Variants in TAFA4 observed in about 807,000 individuals in gnomAD.
TAFA4 encodes the protein chemokine-like protein TAFA-4.
In TAFA4, 20 loss-of-function variants were observed where a neutral mutation model predicts 21.1. The observed-to-expected ratio is 0.95, with a 90% confidence interval of 0.67 to 1.38. TAFA4 has a LOEUF of 1.38. Among genes scored for constraint, TAFA4 ranks in the 40% most tolerant of loss-of-function variants. The pLI is 0.00. For missense variants in TAFA4, 211 were observed against 180.9 expected, an observed-to-expected ratio of 1.17 and a Z score of -0.95; for synonymous variants, 71 against 67.4, an observed-to-expected ratio of 1.05 and a Z score of -0.26.
intron 3 of TAFA4, among the ~76,000 whole-genome samples, chr3:68,768,113 A>G (rs1702890127): frequency 6.6e-6 from 1 of 152,170 alleles, no homozygotes; most frequent in South Asian, 2.1e-4. Flanking sequence ...AAATAGATAA[A>G]TAGGATTACA....
intron 3 of TAFA4, among the ~76,000 whole-genome samples, chr3:68,834,485 A>C (rs946043431): frequency 6.6e-6 from 1 of 152,218 alleles, no homozygotes; most frequent in African/African-American, 2.4e-5. Flanking sequence ...AACAGCTATT[A>C]CTATCATCAT....
chr3:68,788,589 T>C (rs1195412212), intron 3 of TAFA4, among the ~76,000 whole-genome samples: 2 of 152,116 alleles, frequency 1.3e-5, no homozygotes, highest in Non-Finnish European at 2.9e-5. Context: ...CTCTAGGAGT[T>C]TTATAGTTTT....
intron 3 of TAFA4, among the ~76,000 whole-genome samples, chr3:68,761,520 T>G (rs1702755397): frequency 6.6e-6 from 1 of 152,126 alleles, no homozygotes; most frequent in African/African-American, 2.4e-5. Context: ...AATGCCCTTG[T>G]GACTAGAGCT....
chr3:68,755,146 T>C lies in TAFA4; in HGVS notation c.131-2128A>G, dbSNP rs1282876993. 3.3e-5 allele frequency among the ~76,000 whole-genome samples: 5 copies of C among 152,282 alleles called. No individual in the cohort carries two copies. In the East Asian group the frequency reaches 5.8e-4, roughly 18 times the overall value. On this transcript the variant is annotated intron_variant, in intron 3 of 5. Transcript: ENST00000295569. ...ATCTAGCACCACAGTTTCTTGCTAC[T>C]CTCCCAACAACTCTCTATTTATATC...
At chr3:68,881,606 T>C (rs1487683034) in intron 2 of TAFA4, among the ~76,000 whole-genome samples, 1 of 152,242 alleles carries the variant, frequency 6.6e-6, no homozygotes, top group Non-Finnish European at 1.5e-5. Context: ...GCTTTTTTTA[T>C]ATTAACTTTT....
chr3:68,905,204 G>C (rs1389800402), intron 1 of TAFA4, among the ~76,000 whole-genome samples: 4 of 143,908 alleles, frequency 2.8e-5, no homozygotes, highest in African/African-American at 5.2e-5. Flanking sequence ...CGCCAGGCTA[G>C]AGTGCAAGTG....
intron 1 of TAFA4, among the ~76,000 whole-genome samples, chr3:68,909,855 G>T (rs1223790657): frequency 6.6e-6 from 1 of 152,138 alleles, no homozygotes; most frequent in Non-Finnish European, 1.5e-5. Flanking sequence ...TAGATGCTTT[G>T]TTTAGGGTCT....
chr3:68,897,051 C>T (rs554487015), intron 1 of TAFA4, among the ~76,000 whole-genome samples: 5 of 152,172 alleles, frequency 3.3e-5, no homozygotes, highest in South Asian at 2.1e-4. Context: ...TACAGGCACA[C>T]GCCACCATGC....
intron 1 of TAFA4, among the ~76,000 whole-genome samples, chr3:68,911,367 T>G (rs2089960293): frequency 6.6e-6 from 1 of 152,212 alleles, no homozygotes; most frequent in Admixed American, 6.5e-5. Context: ...GAGATTTACA[T>G]TCCCTGTGTA....
At chr3:68,895,701 T>A (rs2106973125) in intron 1 of TAFA4, among the ~76,000 whole-genome samples, 1 of 151,634 alleles carries the variant, frequency 6.6e-6, no homozygotes, top group East Asian at 1.9e-4. Flanking sequence ...CAACAAGGAT[T>A]TTTTTTTTAA....
intron 3 of TAFA4, among the ~76,000 whole-genome samples, chr3:68,763,148 C>T (rs1338685712): frequency 6.6e-6 from 1 of 152,108 alleles, no homozygotes; most frequent in African/African-American, 2.4e-5. Context: ...ATGAGAAAGT[C>T]AACTGAAATA....
At chr3:68,753,658 C>T (rs1826134) in intron 3 of TAFA4, among the ~76,000 whole-genome samples, 1 of 151,962 alleles carries the variant, frequency 6.6e-6, no homozygotes, top group Non-Finnish European at 1.5e-5. Context: ...TTAAGAGAGG[C>T]AGTGTAGCCT....
chr3:68,830,970 GT>G (rs1410379930), intron 3 of TAFA4, among the ~76,000 whole-genome samples: 1 of 152,032 alleles, frequency 6.6e-6, no homozygotes, highest in Non-Finnish European at 1.5e-5. Context: ...TCTTATCTTT[GT>G]TGGTTTATAG....
chr3:68,869,732 G>C (rs775373629), intron 3 of TAFA4, among the ~76,000 whole-genome samples: 1 of 151,796 alleles, frequency 6.6e-6, no homozygotes, highest in Non-Finnish European at 1.5e-5. Flanking sequence ...ATGGCCATAC[G>C]TAACAAACCC....
At chr3:68,737,425 C>G (rs558513942) in intron 5 of TAFA4, among the ~76,000 whole-genome samples, 2 of 152,116 alleles carry the variant, frequency 1.3e-5, no homozygotes, top group Non-Finnish European at 2.9e-5. Context: ...TTCTGCTGCT[C>G]TGGACATAAA....
In TAFA4 at chr3:68,733,081, CCAAGCAA is replaced by C; in HGVS notation, c.*54_*60del. ...TCTGCAAAGGGGCCATGATGGGAAT[CCAAGCAA>C]AAGAGCTCCGCCTCCTGCTGCCCCT... On this transcript the variant is annotated 3_prime_UTR_variant, in exon 6 of 6. Coordinates refer to ENST00000295569, the MANE Select transcript of TAFA4 (RefSeq NM_182522.5). 6.2e-7 allele frequency: 1 copy of C among 1,607,348 alleles called. No individual in the cohort carries two copies. The highest frequency in any genetic ancestry group is 8.5e-7 in the Non-Finnish European group (1 of 1,176,690).
At chr3:68,814,345 G>A (rs546716935) in intron 3 of TAFA4, among the ~76,000 whole-genome samples, 1 of 152,132 alleles carries the variant, frequency 6.6e-6, no homozygotes, top group Non-Finnish European at 1.5e-5. Context: ...GGAAATAAAG[G>A]GTATTCAATT....
intron 3 of TAFA4, among the ~76,000 whole-genome samples, chr3:68,875,173 G>A (rs2089531899): frequency 6.6e-6 from 1 of 151,870 alleles, no homozygotes; most frequent in Non-Finnish European, 1.5e-5. Flanking sequence ...CTGAAATGGA[G>A]ACATCACCAC....
chr3:68,813,262 G>T (rs1405420892), intron 3 of TAFA4, among the ~76,000 whole-genome samples: 1 of 152,094 alleles, frequency 6.6e-6, no homozygotes, highest in Non-Finnish European at 1.5e-5. Context: ...ACAATTAAAA[G>T]AACTAGAGAA....
Sources: gnomAD v4.1 joint callset for allele counts (sites outside exome capture counted in the v4.1 genomes callset) on GRCh38, gnomAD v4.1.1 for gene constraint, MANE v1.5 for transcripts, NCBI Gene and HGNC (gene_info 2026-07-23, HGNC 2026-07-21) for gene names.